The following CTIF variants were observed in gnomAD, a reference collection of about 807,000 sequenced individuals.
CTIF encodes CBP80/20-dependent translation initiation factor.
Under a neutral mutation model 66.0 loss-of-function variants are expected in CTIF, and 21 were observed. The observed-to-expected ratio is 0.32, with a 90% CI of 0.23 to 0.46. CTIF has a LOEUF of 0.46. Among genes scored for constraint, CTIF ranks in the 20% least tolerant of loss-of-function variants. The pLI is 1.00. For synonymous variants in CTIF, 345 were observed against 326.4 expected, an observed-to-expected ratio of 1.06 and a Z score of -0.62; for missense variants, 739 against 812.7, an observed-to-expected ratio of 0.91 and a Z score of 1.10.
intron 9 of CTIF, among the ~76,000 whole-genome samples, chr18:48,777,334 G>A (rs1017636592): frequency 6.6e-6 from 1 of 152,186 alleles, no homozygotes; most frequent in Non-Finnish European, 1.5e-5. Flanking sequence ...TGTCCCACAG[G>A]GAAGATTTAA....
intron 1 of CTIF, among the ~76,000 whole-genome samples, chr18:48,573,943 C>T (rs1477970550): frequency 6.6e-6 from 1 of 152,216 alleles, no homozygotes; most frequent in African/African-American, 2.4e-5. Context: ...GTGTCATTAC[C>T]CAGGGGGAAG....
intron 1 of CTIF, among the ~76,000 whole-genome samples, chr18:48,599,114 G>A (rs1422154450): frequency 3.9e-5 from 6 of 152,292 alleles, no homozygotes; most frequent in Admixed American, 2.6e-4. Flanking sequence ...TCAGCTCATG[G>A]GTGTTGGAAA....
intron 2 of CTIF, among the ~76,000 whole-genome samples, chr18:48,625,950 A>G (rs1261781841): frequency 6.7e-6 from 1 of 148,160 alleles, no homozygotes; most frequent in East Asian, 2.0e-4. Context: ...CCACCAGTGT[A>G]TTGGGACATC....
intron 1 of CTIF, among the ~76,000 whole-genome samples, chr18:48,604,149 C>T (rs57692538): frequency 1.2e-4 from 16 of 129,338 alleles, no homozygotes; most frequent in Non-Finnish European, 1.6e-4. Flanking sequence ...CCGCTGACTC[C>T]GTGATTTTTT....
chr18:48,745,851 CTG>C (rs1290110333), intron 7 of CTIF, among the ~76,000 whole-genome samples: 1 of 152,228 alleles, frequency 6.6e-6, no homozygotes, highest in Non-Finnish European at 1.5e-5. Context: ...GGAGTCCTCT[CTG>C]TGATAACGTC....
chr18:48,748,847 G>A (rs1907510334), intron 7 of CTIF, among the ~76,000 whole-genome samples: 1 of 152,200 alleles, frequency 6.6e-6, no homozygotes, highest in African/African-American at 2.4e-5. Context: ...GTTGGTCAGT[G>A]ATCAGACACC....
intron 1 of CTIF, among the ~76,000 whole-genome samples, chr18:48,581,599 A>T (rs2089658093): frequency 6.6e-6 from 1 of 152,124 alleles, no homozygotes; most frequent in South Asian, 2.1e-4. Context: ...GCTGGTAAAG[A>T]TGTCTGGGAG....
At chr18:48,610,334 C>G (rs960572292) in intron 1 of CTIF, among the ~76,000 whole-genome samples, 3 of 151,842 alleles carry the variant, frequency 2.0e-5, no homozygotes, top group Non-Finnish European at 2.9e-5. Flanking sequence ...GACCTGGAAA[C>G]AGGGGCACCC....
At chr18:48,597,506 A>T (rs530974341) in intron 1 of CTIF, among the ~76,000 whole-genome samples, 27 of 152,080 alleles carry the variant, frequency 1.8e-4, no homozygotes, top group Non-Finnish European at 3.8e-4. Flanking sequence ...GTGATAAGCG[A>T]ACTCTCTCCC....
At chr18:48,772,525 C>A (rs58057832) in intron 9 of CTIF, among the ~76,000 whole-genome samples, 9,817 of 113,954 alleles carry the variant, frequency 0.086, 931 homozygotes, top group African/African-American at 0.3. Context: ...TACAGCAATG[C>A]CTCCCCTCCA....
chr18:48,675,291 C>G (rs2091608259), intron 6 of CTIF, among the ~76,000 whole-genome samples: 1 of 152,212 alleles, frequency 6.6e-6, no homozygotes, highest in Non-Finnish European at 1.5e-5. Context: ...GGCTACCACT[C>G]TGTCAGTGTT....
At chr18:48,707,360 C>G (rs2092169999) in intron 6 of CTIF, among the ~76,000 whole-genome samples, 1 of 152,218 alleles carries the variant, frequency 6.6e-6, no homozygotes. Flanking sequence ...TATACTTTTT[C>G]CAGATTTCAG....
At position 48,758,020 on chromosome 18, in the gene CTIF, G is replaced by C; in HGVS notation, c.686G>C (p.Gly229Ala). The C allele has an allele frequency of 6.2e-7, 1 of 1,614,020 alleles. No homozygotes were observed. The highest frequency in any genetic ancestry group is 1.1e-5 in the South Asian group (1 of 91,078). ...HNRDHQKSYQ[G>A]GSAPHPSGRP... Reference sequence around the variant, plus strand: ...AGGGACCACCAGAAATCCTACCAGGGGGGCTCAGCACCCCACCCCTCAGGG... The same window carrying C: ...AGGGACCACCAGAAATCCTACCAGGCGGGCTCAGCACCCCACCCCTCAGGG... Residue 229 changes from glycine (G) to alanine (A), a missense_variant, in exon 8 of 12, where the codon GGG becomes GCG. Gly to Ala is a moderately conservative substitution (Grantham distance 60). This residue lies in a region of CTIF where 529 missense variants were observed against 520.3 expected (regional missense o/e 1.02). Transcript: ENST00000256413.
At chr18:48,722,275 G>A (rs1444263130) in intron 7 of CTIF, among the ~76,000 whole-genome samples, 4 of 147,454 alleles carry the variant, frequency 2.7e-5, no homozygotes, top group Non-Finnish European at 5.9e-5. Context: ...AGTTGCAGTG[G>A]CACAATTATA....
intron 3 of CTIF, among the ~76,000 whole-genome samples, chr18:48,661,172 A>G (rs2091338383): frequency 1.3e-5 from 2 of 152,212 alleles, no homozygotes; most frequent in Non-Finnish European, 2.9e-5. Context: ...CTACTTGGGG[A>G]AGGTCTAACA....
At chr18:48,589,043 C>G (rs1319897740) in intron 1 of CTIF, among the ~76,000 whole-genome samples, 1 of 152,188 alleles carries the variant, frequency 6.6e-6, no homozygotes, top group South Asian at 2.1e-4. Context: ...TCCAGCCCAA[C>G]TTTTTAAGAA....
At chr18:48,719,941 A>C (rs1215858704) in intron 7 of CTIF, among the ~76,000 whole-genome samples, 1 of 152,216 alleles carries the variant, frequency 6.6e-6, no homozygotes, top group Non-Finnish European at 1.5e-5. Context: ...ATAAATCAAC[A>C]ATATGTATTA....
intron 5 of CTIF, among the ~76,000 whole-genome samples, chr18:48,666,437 G>A (rs925160214): frequency 2.0e-5 from 3 of 152,204 alleles, no homozygotes; most frequent in Non-Finnish European, 4.4e-5. Flanking sequence ...GAATAACAGA[G>A]CCATCATTTA....
chr18:48,593,225 G>A (rs1284681851), intron 1 of CTIF, among the ~76,000 whole-genome samples: 1 of 152,212 alleles, frequency 6.6e-6, no homozygotes, highest in African/African-American at 2.4e-5. Flanking sequence ...CCAAGATGGA[G>A]AGCAGGGGCG....
Sources: allele counts gnomAD v4.1 joint callset (sites outside exome capture counted in the v4.1 genomes callset), GRCh38; gene constraint gnomAD v4.1.1; regional missense constraint gnomAD v4.1.1; transcripts MANE v1.5; gene names NCBI Gene and HGNC (gene_info 2026-07-23, HGNC 2026-07-21).